The following TUBGCP2 variants were observed in gnomAD, a reference collection of about 807,000 sequenced individuals.
TUBGCP2 encodes the protein gamma-tubulin complex component 2.
TUBGCP2 carries 55 observed loss-of-function variants against 92.2 expected under a neutral mutation model. The observed-to-expected ratio is 0.60, with a 90% confidence interval of 0.48 to 0.75. The LOEUF is 0.75. Ranked by LOEUF, TUBGCP2 falls within the 30% of genes least tolerant of loss-of-function variation. The pLI is 0.00. For missense variants in TUBGCP2, 1,093 were observed against 1,188.9 expected, an observed-to-expected ratio of 0.92 and a Z score of 1.19; for synonymous variants, 533 against 505.2, an observed-to-expected ratio of 1.06 and a Z score of -0.74.
intron 11 of TUBGCP2, among the ~76,000 whole-genome samples, chr10:133,286,957 G>A (rs931833847): frequency 2.6e-5 from 4 of 152,132 alleles, no homozygotes; most frequent in African/African-American, 9.7e-5. Flanking sequence ...CTAAGCAGCA[G>A]ACAGGAGTAA....
upstream of TUBGCP2, chr10:133,309,130 G>A: frequency 2.2e-6 from 3 of 1,359,928 alleles, no homozygotes; most frequent in Non-Finnish European, 2.9e-6. Context: ...AGTAGTTGTA[G>A]GATCCAGTGG....
intron 13 of TUBGCP2, 22 bp from the exon 14 acceptor site, chr10:133,284,024 G>A (rs1371389372): frequency 1.9e-6 from 3 of 1,611,460 alleles, no homozygotes; most frequent in South Asian, 2.2e-5. Context: ...GGAGGACGGA[G>A]GACAGCCATG....
chr10:133,306,775 G>A (rs867765975), intron 1 of TUBGCP2, among the ~76,000 whole-genome samples: 15 of 152,098 alleles, frequency 9.9e-5, no homozygotes, highest in Admixed American at 7.9e-4. Context: ...GCAACAGAGC[G>A]AGACTCTGTC....
chr10:133,283,458 G>A (rs1452810187), intron 14 of TUBGCP2, among the ~76,000 whole-genome samples: 1 of 152,286 alleles, frequency 6.6e-6, no homozygotes, highest in Non-Finnish European at 1.5e-5. Flanking sequence ...GCAGCTTCTG[G>A]AATTTGGTAC....
rs1847531164 is a variant in TUBGCP2, at chr10:133,298,042, T to C, written c.526A>G (p.Ile176Val). The change falls in exon 5 of 18, where the codon ATC (isoleucine) becomes GTC (valine). Residue 176 changes from isoleucine to valine, a missense_variant. Transcript: ENST00000252936. The part of the protein sequence containing the change: ...NKKNSGQHLP[I>V]FPAWVYERPA... The stretch of plus-strand genomic sequence containing the variant: ...CTCTCATACACCCATGCTGGGAAGA[T>C]GGGGAGGTGCTGGCCTGAATTTTTT... 6.2e-7 allele frequency: 1 copy of C among 1,614,118 alleles called. No individual in the cohort carries two copies. The highest frequency in any genetic ancestry group is 8.5e-7 in the Non-Finnish European group (1 of 1,180,024).
intron 17 of TUBGCP2, among the ~76,000 whole-genome samples, chr10:133,280,953 A>G (rs1186194704): frequency 7.0e-6 from 1 of 142,664 alleles, no homozygotes; most frequent in Admixed American, 7.0e-5. Context: ...GCACTGGGCC[A>G]GGGCGGTGTT....
upstream of TUBGCP2, chr10:133,310,234 G>A (rs867558641): frequency 1.2e-6 from 2 of 1,614,066 alleles, no homozygotes; most frequent in African/African-American, 2.7e-5. Flanking sequence ...CACATGGTGA[G>A]GATGCACCTG....
chr10:133,288,873 AG>A lies in TUBGCP2; in HGVS notation c.1507del (p.Leu503Ter). 6.2e-7 allele frequency: 1 copy of A among 1,613,590 alleles called. No homozygotes were observed. The highest frequency in any genetic ancestry group is 8.5e-7 in the Non-Finnish European group (1 of 1,179,688). On this transcript the variant is annotated frameshift_variant, in exon 10 of 18. Transcript: ENST00000252936. LOFTEE classifies it high-confidence loss of function. Reference sequence around the variant, plus strand: ...AGCCACCAGCTCCTTCTCCTCCATCAGGAAGTCCAGCAGCACCTTGCTGGCG... The same window carrying A: ...AGCCACCAGCTCCTTCTCCTCCATCAGAAGTCCAGCAGCACCTTGCTGGCG... ...NYASKVLLDF[L>X]MEEKELVAHL...
At chr10:133,299,242 A>G (rs1457340290) in intron 4 of TUBGCP2, among the ~76,000 whole-genome samples, 185 bp downstream of exon 4, 4 of 152,138 alleles carry the variant, frequency 2.6e-5, no homozygotes, top group Non-Finnish European at 5.9e-5. Flanking sequence ...AACTAAACAT[A>G]TAGAGCTAGG....
intron 1 of TUBGCP2, 151 bp downstream of exon 1, chr10:133,308,672 C>T (rs1368819551): frequency 3.5e-5 from 9 of 253,886 alleles, no homozygotes; most frequent in Non-Finnish European, 6.0e-5. Context: ...CGAAGGGCTT[C>T]GGCCCCAGAG....
Position 133,288,889 on chromosome 10 carries a change from C to T in TUBGCP2, c.1492G>A (p.Val498Met). Reference protein sequence around the residue: ...IEKAFNYASKVLLDFLMEEKE... With the variant: ...IEKAFNYASKMLLDFLMEEKE... ...TCCTCCATCAGGAAGTCCAGCAGCACCTTGCTGGCGTAGTTAAACGCCTTC... is the reference window on the plus strand; with the variant it reads ...TCCTCCATCAGGAAGTCCAGCAGCATCTTGCTGGCGTAGTTAAACGCCTTC... The change falls in exon 10 of 18, where the codon GTG becomes ATG. Residue 498 changes from valine (V) to methionine (M), a missense_variant. This residue lies in a region of TUBGCP2 where 598 missense variants were observed against 675.5 expected (regional missense o/e 0.89). Transcript: ENST00000252936. 1 of 1,614,074 alleles carries T rather than the reference C, an allele frequency of 6.2e-7. No homozygotes were observed. Among genetic ancestry groups the T allele is most frequent in the South Asian group, 1.1e-5 (1 of 91,046 alleles).
At chr10:133,300,805 T>G (rs1847627044) in intron 2 of TUBGCP2, among the ~76,000 whole-genome samples, 1 of 152,126 alleles carries the variant, frequency 6.6e-6, no homozygotes, top group Non-Finnish European at 1.5e-5. Context: ...TACTGGAGAG[T>G]AGCGACTTAC....
chr10:133,310,305 C>G, upstream of TUBGCP2: 1 of 1,613,568 alleles, frequency 6.2e-7, no homozygotes, highest in Non-Finnish European at 8.5e-7. Context: ...AGCCGCCAGG[C>G]TCAGCACGTG....
chr10:133,292,738 C>G lies in TUBGCP2; in HGVS notation c.1025-50G>C, dbSNP rs755166333. On this transcript the variant is annotated intron_variant, in intron 7 of 17. Transcript: ENST00000252936. ...TGCTGAGAAGGAAGCGCACGCCCAG[C>G]CTCTGCCAACAACACTGCTGGGGCC... The G allele has an allele frequency of 4.5e-6, 7 of 1,564,722 alleles. No individual in the cohort carries two copies. In the African/African-American group the frequency reaches 9.5e-5, roughly 21 times the overall value.
At position 133,283,660 on chromosome 10, in the gene TUBGCP2, G is replaced by A. The variant is rs551736054; in HGVS notation, c.2145+222C>T. Among the ~76,000 whole-genome samples, 13 of 141,236 alleles carry A rather than the reference G, an allele frequency of 9.2e-5. 1 individual carries two copies. Among genetic ancestry groups the A allele is most frequent in the East Asian group, 4.1e-4 (2 of 4,914 alleles). 92.7% of individuals were successfully genotyped at this position (141,236 alleles called of 152,430 possible). ...CCTTGCCCTGCCTCTCCTGCACTCC[G>A]TGTCTCCCTGCACTCCCTGCCTCTC... On this transcript the variant is annotated intron_variant, in intron 14 of 17. Transcript: ENST00000252936.
At chr10:133,302,384 G>T in intron 2 of TUBGCP2, 1 of 233,576 alleles carries the variant, frequency 4.3e-6, no homozygotes, top group South Asian at 5.2e-5. Flanking sequence ...CACCAGAGGT[G>T]GCGCTCACCC....
At chr10:133,301,572 T>A (rs750671069) in intron 2 of TUBGCP2, 3 of 152,210 alleles carry the variant, frequency 2.0e-5, no homozygotes, top group Non-Finnish European at 2.9e-5. Context: ...CTTCATAATG[T>A]ATTTTTTAAA....
At chr10:133,283,268 G>A in intron 14 of TUBGCP2, 47 bp from the exon 15 acceptor site, 2 of 1,612,122 alleles carry the variant, frequency 1.2e-6, no homozygotes, top group Non-Finnish European at 1.7e-6. Flanking sequence ...GTGGCTGACA[G>A]ACGGGCCCTG....
chr10:133,306,888 A>G (rs1213015054), intron 1 of TUBGCP2, among the ~76,000 whole-genome samples: 1 of 152,214 alleles, frequency 6.6e-6, no homozygotes, highest in Non-Finnish European at 1.5e-5. Flanking sequence ...TGTTCATCCC[A>G]TGAGGAGCCT....
Sources: gnomAD v4.1 joint callset for allele counts (sites outside exome capture counted in the v4.1 genomes callset) on GRCh38, gnomAD v4.1.1 for gene constraint, gnomAD v4.1.1 regional missense constraint, MANE v1.5 for transcripts, NCBI Gene and HGNC (gene_info 2026-07-23, HGNC 2026-07-21) for gene names.